AUTS2: variants seen among roughly 807,000 people sequenced by gnomAD.
AUTS2 encodes activator of transcription and developmental regulator AUTS2.
AUTS2 carries 17 observed loss-of-function variants against 112.4 expected under a neutral mutation model. The observed-to-expected ratio is 0.15, with a 90% CI of 0.10 to 0.23. The LOEUF is 0.23. Among genes scored for constraint, AUTS2 ranks in the 10% least tolerant of loss-of-function variants. The probability of loss-of-function intolerance (pLI) is 1.00; values close to 1 mark genes in which losing one functional copy is unlikely to be tolerated. For missense variants in AUTS2, 1,510 were observed against 1,701.6 expected (o/e 0.89, Z 1.98); for synonymous variants, 751 against 702.7 (o/e 1.07, Z -1.09).
At chr7:70,482,839 G>T (rs986567150) in intron 5 of AUTS2, among the ~76,000 whole-genome samples, 1 of 151,958 alleles carries the variant, frequency 6.6e-6, no homozygotes, top group Non-Finnish European at 1.5e-5. Context: ...AGGTAGGTAG[G>T]TAGATAGAGA....
intron 4 of AUTS2, among the ~76,000 whole-genome samples, chr7:70,316,247 TATGAC>T (rs1266167189): frequency 1.3e-5 from 2 of 152,150 alleles, no homozygotes; most frequent in Non-Finnish European, 2.9e-5. Flanking sequence ...CACCTGAGCC[TATGAC>T]AAGAGGGTAA....
intron 3 of AUTS2, among the ~76,000 whole-genome samples, chr7:70,126,928 G>A (rs1450069750): frequency 3.3e-5 from 5 of 151,724 alleles, no homozygotes; most frequent in Admixed American, 1.3e-4. Context: ...CTGGGTTCAA[G>A]CAATTCTCCT....
At chr7:70,448,576 C>T (rs1265312856) in intron 5 of AUTS2, among the ~76,000 whole-genome samples, 1 of 152,142 alleles carries the variant, frequency 6.6e-6, no homozygotes, top group African/African-American at 2.4e-5. Flanking sequence ...AGAATAAGAA[C>T]AAAAGTATTG....
At chr7:69,729,878 T>C (rs138672649) in intron 1 of AUTS2, among the ~76,000 whole-genome samples, 66 of 152,220 alleles carry the variant, frequency 4.3e-4, no homozygotes, top group Non-Finnish European at 7.2e-4. Context: ...AAAAAGTTGT[T>C]CTTCCCCTTT....
At chr7:69,718,071 G>A (rs556235743) in intron 1 of AUTS2, among the ~76,000 whole-genome samples, 15 of 152,226 alleles carry the variant, frequency 9.9e-5, no homozygotes, top group Admixed American at 5.9e-4. Context: ...TTATATTGCC[G>A]TTTATGTTGT....
Position 70,559,190 on chromosome 7 carries a change from G to T in AUTS2, c.690+123409G>T, listed in dbSNP as rs1374437708. On this transcript the variant is annotated intron_variant, in intron 5 of 18. Coordinates refer to ENST00000342771, the MANE Select transcript of AUTS2 (RefSeq NM_015570.4). The stretch of plus-strand genomic sequence containing the variant: ...TCTTCCCTCATCTTCTACCATGATT[G>T]TGAGGCCTCCCCAGCCATGTGGAAC... Among the ~76,000 whole-genome samples, 3 of 152,096 alleles carry T rather than the reference G, an allele frequency of 2.0e-5. No homozygotes were observed. In the East Asian group the frequency reaches 5.8e-4, roughly 29 times the overall value.
intron 1 of AUTS2, among the ~76,000 whole-genome samples, chr7:69,711,788 T>G (rs1217388386): frequency 6.6e-6 from 1 of 152,202 alleles, no homozygotes; most frequent in East Asian, 1.9e-4. Context: ...ACAAAGATTA[T>G]TGGTTCTGAG....
chr7:70,729,257 T>C (rs1341063310), intron 6 of AUTS2: 4 of 450,394 alleles, frequency 8.9e-6, no homozygotes, highest in Non-Finnish European at 1.8e-5. Context: ...CCCAGTGCTG[T>C]TCCCCACTAC....
chr7:70,031,536 A>T (rs181509961), intron 2 of AUTS2, among the ~76,000 whole-genome samples: 1 of 152,300 alleles, frequency 6.6e-6, no homozygotes, highest in East Asian at 1.9e-4. Context: ...TCTGCTTTAT[A>T]AAAAGAATTA....
chr7:70,556,164 G>A (rs1440701577), intron 5 of AUTS2, among the ~76,000 whole-genome samples: 1 of 152,028 alleles, frequency 6.6e-6, no homozygotes, highest in Non-Finnish European at 1.5e-5. Context: ...GATGGTGATA[G>A]CAGGAGCAAG....
chr7:69,850,813 T>C (rs1011701536), intron 1 of AUTS2, among the ~76,000 whole-genome samples: 5 of 152,234 alleles, frequency 3.3e-5, no homozygotes, highest in African/African-American at 4.8e-5. Context: ...TTCATTATTA[T>C]AACAGGATGC....
At chr7:69,919,138 G>A (rs768547504) in intron 2 of AUTS2, among the ~76,000 whole-genome samples, 1 of 152,150 alleles carries the variant, frequency 6.6e-6, no homozygotes, top group African/African-American at 2.4e-5. Context: ...TGACTGGGTT[G>A]TGATTCAGAG....
chr7:70,389,172 A>C (rs1021017720), intron 4 of AUTS2, among the ~76,000 whole-genome samples: 1 of 152,120 alleles, frequency 6.6e-6, no homozygotes, highest in African/African-American at 2.4e-5. Context: ...TTAGAACTCA[A>C]CCTTAAGCAA....
intron 5 of AUTS2, among the ~76,000 whole-genome samples, chr7:70,571,310 G>A (rs1484267521): frequency 2.6e-5 from 4 of 152,192 alleles, no homozygotes; most frequent in African/African-American, 4.8e-5. Context: ...TTTATAGGTT[G>A]TTGGGAGGAT....
intron 4 of AUTS2, among the ~76,000 whole-genome samples, chr7:70,263,793 G>A (rs1787280807): frequency 6.6e-6 from 1 of 152,156 alleles, no homozygotes; most frequent in African/African-American, 2.4e-5. Context: ...TCTCAGCATG[G>A]AAAGGTATCA....
intron 2 of AUTS2, among the ~76,000 whole-genome samples, chr7:70,036,651 CAG>C (rs1398063174): frequency 1.3e-5 from 2 of 152,150 alleles, no homozygotes; most frequent in Non-Finnish European, 2.9e-5. Flanking sequence ...AACAGCTATC[CAG>C]AGACCTTCAG....
chr7:70,472,365 T>TG (rs1797421312), intron 5 of AUTS2, among the ~76,000 whole-genome samples: 1 of 125,820 alleles, frequency 7.9e-6, no homozygotes, highest in South Asian at 2.4e-4. Flanking sequence ...TGTTTTGGGG[T>TG]GGGGTTTTTT....
At chr7:70,336,284 C>A (rs1409434614) in intron 4 of AUTS2, among the ~76,000 whole-genome samples, 2 of 137,430 alleles carry the variant, frequency 1.5e-5, no homozygotes, top group African/African-American at 2.9e-5. Context: ...CCAGCTGCAC[C>A]CCCTCCACCC....
At chr7:69,642,055 G>T (rs1376326082) in intron 1 of AUTS2, among the ~76,000 whole-genome samples, 1 of 152,206 alleles carries the variant, frequency 6.6e-6, no homozygotes, top group Non-Finnish European at 1.5e-5. Flanking sequence ...TCCAATAACT[G>T]AGGGAGTTGG....
Sources: gnomAD v4.1 joint callset for allele counts (sites outside exome capture counted in the v4.1 genomes callset) on GRCh38, gnomAD v4.1.1 for gene constraint, MANE v1.5 for transcripts, NCBI Gene and HGNC (gene_info 2026-07-23, HGNC 2026-07-21) for gene names.